The following RYR2 variants were observed in gnomAD, a reference collection of about 807,000 sequenced individuals.
The protein encoded by RYR2 is ryanodine receptor 2.
RYR2 carries 227 observed loss-of-function variants against 601.1 expected under a neutral mutation model. The observed-to-expected ratio is 0.38, with a 90% CI of 0.34 to 0.42. The LOEUF (loss-of-function observed/expected upper bound fraction) is 0.42. Among genes scored for constraint, RYR2 ranks in the 10% least tolerant of loss-of-function variants. The pLI is 1.00. For synonymous variants in RYR2, 2,223 were observed against 2,175.1 expected (o/e 1.02, Z -0.61); for missense variants, 4,646 against 6,156.5 (o/e 0.75, Z 8.21).
At chr1:237,586,101 A>G (rs1674493687) in intron 29 of RYR2, among the ~76,000 whole-genome samples, 1 of 152,168 alleles carries the variant, frequency 6.6e-6, no homozygotes, top group Non-Finnish European at 1.5e-5. Context: ...TTTTAAACAT[A>G]CTTTTTTGGT....
chr1:237,110,398 A>T (rs1031055537), intron 1 of RYR2, among the ~76,000 whole-genome samples: 1 of 150,356 alleles, frequency 6.7e-6, no homozygotes, highest in African/African-American at 2.5e-5. Context: ...TATATCTCCT[A>T]ATGCTATCCC....
chr1:237,160,177 G>A (rs1675846516), intron 1 of RYR2, among the ~76,000 whole-genome samples: 1 of 152,124 alleles, frequency 6.6e-6, no homozygotes, highest in Non-Finnish European at 1.5e-5. Context: ...TCTTATACTG[G>A]TATAAAGCAG....
At chr1:237,391,659 C>A (rs1702393875) in intron 10 of RYR2, among the ~76,000 whole-genome samples, 1 of 152,040 alleles carries the variant, frequency 6.6e-6, no homozygotes, top group Non-Finnish European at 1.5e-5. Flanking sequence ...GTAATTGTAG[C>A]TATTGAAAAT....
chr1:237,183,405 G>T (rs1472271707), intron 1 of RYR2, among the ~76,000 whole-genome samples: 1 of 152,170 alleles, frequency 6.6e-6, no homozygotes, highest in African/African-American at 2.4e-5. Flanking sequence ...GCAGTGGCTG[G>T]CACGATTAAA....
chr1:237,757,711 A>C lies in RYR2; in HGVS notation c.11260A>C (p.Met3754Leu). 1 of 1,610,100 alleles carries C rather than the reference A, an allele frequency of 6.2e-7. No homozygotes were observed. Among genetic ancestry groups the C allele is most frequent in the Non-Finnish European group, 8.5e-7 (1 of 1,176,476 alleles). The change falls in exon 82 of 105, where the codon ATG (methionine) becomes CTG (leucine). Residue 3754 changes from methionine (M) to leucine (L), a missense_variant. This residue lies in a region of RYR2 where 1,497 missense variants were observed against 1,842.6 expected (regional missense o/e 0.81). Coordinates refer to ENST00000366574, the MANE Select transcript of RYR2 (RefSeq NM_001035.3). Reference sequence around the variant, plus strand: ...ATATTTCTTAGGTGAAACTGGACCAATGGTAGCAGCTACTCTGAAACTTGG... The same window carrying C: ...ATATTTCTTAGGTGAAACTGGACCACTGGTAGCAGCTACTCTGAAACTTGG... ...ISASKGETGPMVAATLKLGIA... is the reference protein window; with the variant it reads ...ISASKGETGPLVAATLKLGIA...
chr1:237,178,218 T>C (rs1288218854), intron 1 of RYR2, among the ~76,000 whole-genome samples: 2 of 152,222 alleles, frequency 1.3e-5, no homozygotes, highest in Admixed American at 1.3e-4. Context: ...TCATTTTTGT[T>C]ATTTTATTTA....
chr1:237,595,391 C>T (rs767018846), intron 33 of RYR2, 107 bp from the exon 34 acceptor site: 2 of 1,316,830 alleles, frequency 1.5e-6, no homozygotes, highest in Admixed American at 2.6e-5. Context: ...CCCATTACAG[C>T]ATGAGCTTGT....
At chr1:237,638,600 A>C in intron 45 of RYR2, 108 bp downstream of exon 45, 1 of 1,219,770 alleles carries the variant, frequency 8.2e-7, no homozygotes, top group East Asian at 2.4e-5. Context: ...TAAAGAAATC[A>C]CATATTTTAT....
Position 237,503,274 on chromosome 1 carries a change from G to C in RYR2, c.2397-15G>C. 6.3e-7 allele frequency: 1 copy of C among 1,584,124 alleles called. No homozygotes were observed. The highest frequency in any genetic ancestry group is 1.8e-5 in the Admixed American group (1 of 54,538). On this transcript the variant is annotated splice_polypyrimidine_tract_variant and intron_variant, in intron 21 of 104. Transcript: ENST00000366574. ...CACCAGAGATAAAATTGACTCTAAC[G>C]TGCATCCTCTTTAGAGTACGCTTTC...
intron 16 of RYR2, among the ~76,000 whole-genome samples, chr1:237,467,849 T>C (rs1660252441): frequency 6.9e-6 from 1 of 144,512 alleles, no homozygotes; most frequent in African/African-American, 2.6e-5. Context: ...AGCTACCAGA[T>C]TTTCTCTGCT....
chr1:237,054,174 T>G (rs1209953626), intron 1 of RYR2, among the ~76,000 whole-genome samples: 1 of 149,124 alleles, frequency 6.7e-6, no homozygotes, highest in Non-Finnish European at 1.5e-5. Flanking sequence ...CCTCCCTCCC[T>G]CCTTCCCTCC....
At position 237,591,851 on chromosome 1, in the gene RYR2, A is replaced by G. The variant is rs776046135; in HGVS notation, c.4273A>G (p.Thr1425Ala). The change falls in exon 32 of 105, where the codon ACG (threonine) becomes GCG (alanine). Residue 1425 changes from threonine to alanine, a missense_variant and splice_region_variant. Thr to Ala is a moderately conservative substitution (Grantham distance 58). This residue lies in a region of RYR2 where 1,807 missense variants were observed against 2,088.1 expected (regional missense o/e 0.87). Transcript: ENST00000366574. The stretch of plus-strand genomic sequence containing the variant: ...CTATGATTTCTTGATGCAAACGTCC[A>G]CGGTATGAGGTTGCAGCTTTTGTCG... ...DDYDFLMQTS[T>A]YYYSVRIFPG... 111 of 1,610,728 alleles carry G rather than the reference A, an allele frequency of 6.9e-5. No individual in the cohort carries two copies. Among genetic ancestry groups the G allele is most frequent in the Non-Finnish European group, 8.7e-5 (103 of 1,178,224 alleles).
At chr1:237,547,237 C>T (rs1341688860) in intron 25 of RYR2, among the ~76,000 whole-genome samples, 1 of 151,826 alleles carries the variant, frequency 6.6e-6, no homozygotes, top group East Asian at 1.9e-4. Context: ...AACTCCTGGC[C>T]TCATGTGATC....
chr1:237,788,215 CT>C, intron 92 of RYR2, 80 bp downstream of exon 92: 1 of 1,193,146 alleles, frequency 8.4e-7, no homozygotes, highest in East Asian at 2.5e-5. Context: ...GTTTGCTGAC[CT>C]CTCCCTGAGT....
intron 24 of RYR2, among the ~76,000 whole-genome samples, chr1:237,523,722 G>A (rs1667310026): frequency 6.9e-6 from 1 of 144,506 alleles, no homozygotes; most frequent in Non-Finnish European, 1.5e-5. Flanking sequence ...GGGTGGCAGA[G>A]CAAGATTCTG....
At chr1:237,140,564 A>G (rs1051422779) in intron 1 of RYR2, among the ~76,000 whole-genome samples, 2 of 152,238 alleles carry the variant, frequency 1.3e-5, no homozygotes, top group East Asian at 1.9e-4. Context: ...ATTGGAGACA[A>G]TAAAGGCTTA....
At chr1:237,333,711 C>CTT in intron 3 of RYR2, 1 of 452,858 alleles carries the variant, frequency 2.2e-6, no homozygotes, top group Non-Finnish European at 4.4e-6. Flanking sequence ...TTTCTAGTGC[C>CTT]TTATAATGTC....
intron 19 of RYR2, among the ~76,000 whole-genome samples, chr1:237,495,256 A>C (rs1354205118): frequency 6.6e-6 from 1 of 152,196 alleles, no homozygotes; most frequent in East Asian, 1.9e-4. Flanking sequence ...GCAAGGTTTC[A>C]TAACTAGTGC....
intron 1 of RYR2, among the ~76,000 whole-genome samples, chr1:237,124,250 G>T (rs940460083): frequency 6.6e-6 from 1 of 152,200 alleles, no homozygotes; most frequent in Non-Finnish European, 1.5e-5. Context: ...GACTCTTAGT[G>T]TAGGAAGGAC....
Sources: allele counts gnomAD v4.1 joint callset (sites outside exome capture counted in the v4.1 genomes callset), GRCh38; gene constraint gnomAD v4.1.1; regional missense constraint gnomAD v4.1.1; transcripts MANE v1.5; gene names NCBI Gene and HGNC (gene_info 2026-07-23, HGNC 2026-07-21).